The following GALNT18 variants were observed in gnomAD, a reference collection of about 807,000 sequenced individuals.
GALNT18 encodes the protein GalNAc-transferase 18.
In GALNT18, 44 loss-of-function variants were observed where a neutral mutation model predicts 69.5. That is an observed-to-expected ratio of 0.63 (90% CI 0.50 to 0.81). The LOEUF (loss-of-function observed/expected upper bound fraction) is 0.81, where lower values mean the gene tolerates loss of function less well. Among genes scored for constraint, GALNT18 ranks in the 40% least tolerant of loss-of-function variants. The pLI is 0.00. For synonymous variants in GALNT18, 364 were observed against 318.2 expected, an observed-to-expected ratio of 1.14 and a Z score of -1.53; for missense variants, 715 against 810.0, an observed-to-expected ratio of 0.88 and a Z score of 1.42.
At chr11:11,412,610 T>C (rs1390079567) in intron 3 of GALNT18, among the ~76,000 whole-genome samples, 1 of 152,260 alleles carries the variant, frequency 6.6e-6, no homozygotes, top group Non-Finnish European at 1.5e-5. Context: ...GGTTCCAGCA[T>C]GCCTTGCAGT....
intron 1 of GALNT18, among the ~76,000 whole-genome samples, chr11:11,534,191 G>A (rs1041850382): frequency 2.0e-5 from 3 of 152,154 alleles, no homozygotes; most frequent in African/African-American, 4.8e-5. Context: ...ATAGGTTCAC[G>A]CCTTTGACCA....
At chr11:11,490,746 T>C (rs575041089) in intron 1 of GALNT18, among the ~76,000 whole-genome samples, 1 of 152,256 alleles carries the variant, frequency 6.6e-6, no homozygotes, top group South Asian at 2.1e-4. Context: ...AGAAGGTCTG[T>C]CCTGGCAGAT....
At position 11,432,470 on chromosome 11, in the gene GALNT18, G is replaced by A. The variant is rs1855288516; in HGVS notation, c.595+151C>T. ...CATGCTCAGACGGAGTGAACCTTCTGAAGCAGTGGCCACCATGAATTTCTC... is the reference window on the plus strand; with the variant it reads ...CATGCTCAGACGGAGTGAACCTTCTAAAGCAGTGGCCACCATGAATTTCTC... On this transcript the variant is annotated intron_variant, in intron 3 of 10. Coordinates refer to ENST00000227756, the MANE Select transcript of GALNT18 (RefSeq NM_198516.3). The surrounding 1 kb of genome is among the most constrained non-coding windows in gnomAD (Gnocchi z 5.8). The A allele has an allele frequency of 2.5e-6, 2 of 784,600 alleles. No homozygotes were observed. The highest frequency in any genetic ancestry group is 4.0e-6 in the Non-Finnish European group (2 of 501,302). The allele number at this position is 784,600 out of a possible 1,614,324, so 48.6% of individuals were successfully genotyped here. A position where few individuals can be genotyped will look rare whatever the true frequency, so the allele number is the denominator to read the frequency against.
intron 9 of GALNT18, among the ~76,000 whole-genome samples, chr11:11,295,219 G>T (rs543088111): frequency 2.6e-5 from 4 of 152,222 alleles, no homozygotes; most frequent in African/African-American, 9.6e-5. Flanking sequence ...GGCAGGCAGG[G>T]TGTTCCCTTT....
intron 10 of GALNT18, among the ~76,000 whole-genome samples, chr11:11,281,210 G>A (rs1791716752): frequency 6.6e-6 from 1 of 152,258 alleles, no homozygotes; most frequent in East Asian, 1.9e-4. Flanking sequence ...AGGGAAGAGT[G>A]CTGAGCTAGG....
At chr11:11,407,970 C>T (rs1366830360) in intron 3 of GALNT18, among the ~76,000 whole-genome samples, 1 of 152,200 alleles carries the variant, frequency 6.6e-6, no homozygotes, top group Admixed American at 6.5e-5. Flanking sequence ...CTATAAGAAA[C>T]ATTGTGTCTA....
intron 10 of GALNT18, among the ~76,000 whole-genome samples, chr11:11,281,435 C>G (rs540231730): frequency 4.5e-4 from 69 of 152,288 alleles, no homozygotes; most frequent in Non-Finnish European, 6.5e-4. Context: ...GCACAACAAA[C>G]GGGCCCGGAC....
chr11:11,316,389 A>G (rs1011413446), intron 9 of GALNT18, among the ~76,000 whole-genome samples: 1 of 152,198 alleles, frequency 6.6e-6, no homozygotes, highest in Admixed American at 6.5e-5. Context: ...CTGAGATGTG[A>G]CGTGAAAGAT....
intron 3 of GALNT18, among the ~76,000 whole-genome samples, chr11:11,417,935 A>G (rs990080304): frequency 1.3e-5 from 2 of 152,260 alleles, no homozygotes; most frequent in African/African-American, 4.8e-5. Flanking sequence ...ATGAGCTAAC[A>G]CATGAAAGAT....
intron 10 of GALNT18, among the ~76,000 whole-genome samples, chr11:11,284,255 AGT>A (rs1849145466): frequency 6.6e-6 from 1 of 151,476 alleles, no homozygotes; most frequent in South Asian, 2.1e-4. Context: ...CAGTTTCCCA[AGT>A]GTGTCTGTGG....
intron 1 of GALNT18, among the ~76,000 whole-genome samples, chr11:11,488,907 C>T (rs565274696): frequency 6.6e-6 from 1 of 152,336 alleles, no homozygotes; most frequent in South Asian, 2.1e-4. Context: ...ACAAGGAAAG[C>T]TCTACTGTAG....
intron 6 of GALNT18, among the ~76,000 whole-genome samples, chr11:11,369,069 A>AT (rs1407693706): frequency 2.0e-5 from 3 of 152,208 alleles, no homozygotes; most frequent in African/African-American, 7.2e-5. Flanking sequence ...TGTTCTCTGT[A>AT]TTCTATGAAG....
At chr11:11,597,882 G>A (rs1447060993) in intron 1 of GALNT18, among the ~76,000 whole-genome samples, 2 of 151,916 alleles carry the variant, frequency 1.3e-5, no homozygotes, top group South Asian at 2.1e-4. Context: ...GGATGGTCTC[G>A]ATCTCCTGAT....
Position 11,432,482 on chromosome 11 carries a change from A to T in GALNT18, c.595+139T>A. The T allele has an allele frequency of 1.2e-6, 1 of 844,714 alleles. No homozygotes were observed. Among genetic ancestry groups the T allele is most frequent in the Non-Finnish European group, 1.8e-6 (1 of 553,866 alleles). The allele number at this position is 844,714 out of a possible 1,614,324, so 52.3% of individuals were successfully genotyped here. A position where few individuals can be genotyped will look rare whatever the true frequency, so the allele number is the denominator to read the frequency against. On this transcript the variant is annotated intron_variant, in intron 3 of 10. Transcript: ENST00000227756. This position sits in a 1 kb window ranked among gnomAD's most constrained non-coding sequence, Gnocchi z 5.8. ...GAGTGAACCTTCTGAAGCAGTGGCC[A>T]CCATGAATTTCTCATCTATGCTCCA...
At chr11:11,537,696 G>A (rs1026763706) in intron 1 of GALNT18, among the ~76,000 whole-genome samples, 1 of 152,130 alleles carries the variant, frequency 6.6e-6, no homozygotes, top group African/African-American at 2.4e-5. Context: ...ACCATCTCAG[G>A]ATTTTATTAA....
At chr11:11,308,105 G>A (rs902030187) in intron 9 of GALNT18, among the ~76,000 whole-genome samples, 1 of 152,148 alleles carries the variant, frequency 6.6e-6, no homozygotes, top group Admixed American at 6.5e-5. Context: ...TTCCTTAGAG[G>A]AAACTCCAGT....
chr11:11,568,196 G>C (rs1388716937), intron 1 of GALNT18, among the ~76,000 whole-genome samples: 1 of 152,216 alleles, frequency 6.6e-6, no homozygotes, highest in Admixed American at 6.5e-5. Context: ...GCACAGCCCA[G>C]GTGACATAAG....
intron 1 of GALNT18, among the ~76,000 whole-genome samples, chr11:11,452,845 A>G (rs1279691513): frequency 1.3e-5 from 2 of 152,170 alleles, no homozygotes; most frequent in African/African-American, 4.8e-5. Context: ...CTACCTGGGC[A>G]TGTCTGACCA....
intron 1 of GALNT18, among the ~76,000 whole-genome samples, chr11:11,580,484 G>A (rs1375501718): frequency 1.3e-5 from 2 of 152,198 alleles, no homozygotes; most frequent in Non-Finnish European, 1.5e-5. Flanking sequence ...TCCTGCTACT[G>A]AACTCTTCTT....
Sources: gnomAD v4.1 joint callset for allele counts (sites outside exome capture counted in the v4.1 genomes callset) on GRCh38, gnomAD v4.1.1 for gene constraint, Gnocchi (gnomAD v3.1) non-coding constraint, MANE v1.5 for transcripts, NCBI Gene and HGNC (gene_info 2026-07-23, HGNC 2026-07-21) for gene names.